AGBL1: variants seen among roughly 807,000 people sequenced by gnomAD.
AGBL1 encodes AGBL carboxypeptidase 1.
Under a neutral mutation model 118.9 loss-of-function variants are expected in AGBL1, and 130 were observed. The observed-to-expected ratio is 1.09, with a 90% CI of 0.95 to 1.26. The LOEUF (loss-of-function observed/expected upper bound fraction) is 1.26, where lower values mean the gene tolerates loss of function less well. AGBL1 is among the 50% of genes most tolerant of loss of function. The pLI, the probability that AGBL1 is intolerant of heterozygous loss-of-function variation, is 0.00. For synonymous variants in AGBL1, 555 were observed against 478.9 expected, an observed-to-expected ratio of 1.16 and a Z score of -2.08; for missense variants, 1,584 against 1,298.1, an observed-to-expected ratio of 1.22 and a Z score of -3.38.
At chr15:86,852,225 A>C (rs953822554) in intron 22 of AGBL1, among the ~76,000 whole-genome samples, 2 of 152,170 alleles carry the variant, frequency 1.3e-5, no homozygotes, top group Non-Finnish European at 2.9e-5. Context: ...CAGGAGAGAA[A>C]GAAGTGCAAG....
At chr15:86,128,179 C>G (rs1216119737) in intron 1 of AGBL1, among the ~76,000 whole-genome samples, 1 of 152,140 alleles carries the variant, frequency 6.6e-6, no homozygotes, top group Non-Finnish European at 1.5e-5. Context: ...GATTAATGGA[C>G]TCACAGTTCC....
chr15:86,956,379 T>C (rs1596673239), intron 23 of AGBL1, among the ~76,000 whole-genome samples: 1 of 151,958 alleles, frequency 6.6e-6, no homozygotes, highest in Non-Finnish European at 1.5e-5. Flanking sequence ...GCAGATAAAA[T>C]GAAAGAGATA....
intron 22 of AGBL1, among the ~76,000 whole-genome samples, chr15:86,695,389 T>G (rs2086239153): frequency 6.6e-6 from 1 of 152,082 alleles, no homozygotes; most frequent in Non-Finnish European, 1.5e-5. Flanking sequence ...ACAAAGGTGT[T>G]CGTAGTAGCC....
chr15:86,943,742 G>T lies in AGBL1; in HGVS notation c.3222-44245G>T, dbSNP rs115098977. Reference sequence around the variant, plus strand: ...CCCTTTTCTATTGGCACAGCTGCTGGCATTTCCCTATGCAAGTTTTAGCTT... The same window carrying T: ...CCCTTTTCTATTGGCACAGCTGCTGTCATTTCCCTATGCAAGTTTTAGCTT... On this transcript the variant is annotated intron_variant, in intron 23 of 24. Coordinates refer to the AGBL1 transcript ENST00000441037. Among the ~76,000 whole-genome samples, 568 of 152,246 alleles carry T rather than the reference G, an allele frequency of 3.7e-3. 4 individuals are homozygous for T. Among genetic ancestry groups the T allele is most frequent in the African/African-American group, 0.013 (536 of 41,542 alleles).
chr15:86,184,439 T>G (rs2077599030), intron 5 of AGBL1, among the ~76,000 whole-genome samples: 1 of 151,558 alleles, frequency 6.6e-6, no homozygotes, highest in African/African-American at 2.4e-5. Flanking sequence ...CTTTCTTTTT[T>G]TTTTTTTTTG....
intron 22 of AGBL1, among the ~76,000 whole-genome samples, chr15:86,872,242 AT>A (rs1596574930): frequency 6.6e-6 from 1 of 152,136 alleles, no homozygotes; most frequent in East Asian, 1.9e-4. Flanking sequence ...GTCCCCTTGC[AT>A]TTTCCTCCTT....
chr15:86,220,655 G>C (rs2078266284), intron 5 of AGBL1, among the ~76,000 whole-genome samples: 2 of 152,194 alleles, frequency 1.3e-5, no homozygotes, highest in Admixed American at 1.3e-4. Context: ...TTATCCTACA[G>C]TATGAAAATA....
chr15:86,175,627 G>C (rs2077472578), intron 5 of AGBL1, among the ~76,000 whole-genome samples: 1 of 151,926 alleles, frequency 6.6e-6, no homozygotes, highest in Non-Finnish European at 1.5e-5. Flanking sequence ...TTTTGACATA[G>C]TCACTTTTTT....
chr15:86,396,841 T>TGA (rs1005216486), intron 17 of AGBL1, among the ~76,000 whole-genome samples: 1 of 152,150 alleles, frequency 6.6e-6, no homozygotes, highest in African/African-American at 2.4e-5. Flanking sequence ...CCAGAGGTAG[T>TGA]GAGAGATGAA....
chr15:86,613,614 C>T lies in AGBL1; in HGVS notation c.2994+59077C>T, dbSNP rs983384365. On this transcript the variant is annotated intron_variant, in intron 21 of 22. Transcript: ENST00000614907. The surrounding 1 kb of genome is among the most constrained non-coding windows in gnomAD (Gnocchi z 4.2). The stretch of plus-strand genomic sequence containing the variant: ...ATTTCAGATCACAGAAAGTAAGTCA[C>T]GAGTACTTACCAGCTACCTAAAGAA... Among the ~76,000 whole-genome samples the T allele has an allele frequency of 1.3e-5, 2 of 152,180 alleles. No homozygotes were observed. Among genetic ancestry groups the T allele is most frequent in the African/African-American group, 2.4e-5 (1 of 41,446 alleles).
At chr15:87,020,208 A>T (rs1475243092) in intron 24 of AGBL1, among the ~76,000 whole-genome samples, 1 of 151,854 alleles carries the variant, frequency 6.6e-6, no homozygotes, top group Non-Finnish European at 1.5e-5. Context: ...TACAATTTAC[A>T]CTGAATGTCA....
chr15:86,836,465 G>T (rs1011972037), intron 22 of AGBL1, among the ~76,000 whole-genome samples: 1 of 152,078 alleles, frequency 6.6e-6, no homozygotes, highest in Non-Finnish European at 1.5e-5. Flanking sequence ...CAGACACACC[G>T]ACATCAGGCA....
chr15:86,197,406 G>A (rs578259808), intron 5 of AGBL1, among the ~76,000 whole-genome samples: 5 of 152,226 alleles, frequency 3.3e-5, no homozygotes, highest in Admixed American at 3.3e-4. Flanking sequence ...GAATTAGATG[G>A]AAATGAGAAA....
At chr15:86,421,374 G>T (rs965282382) in intron 18 of AGBL1, among the ~76,000 whole-genome samples, 3 of 152,032 alleles carry the variant, frequency 2.0e-5, no homozygotes, top group Non-Finnish European at 2.9e-5. Context: ...AAGTGAAGGA[G>T]AATAAAATCC....
rs901715113 is a variant in AGBL1, at chr15:86,131,887, A to C, written c.52-10117A>C. ...ATCCTGGGAAGGTGGGCTGCAGTCC[A>C]GTTGAGGCTTCGGTGAGTTGTGATC... On this transcript the variant is annotated intron_variant, in intron 1 of 22. Coordinates refer to ENST00000614907, the MANE Select transcript of AGBL1 (RefSeq NM_001386094.1). Among the ~76,000 whole-genome samples the C allele has an allele frequency of 4.6e-5, 7 of 151,162 alleles. No individual in the cohort carries two copies. The South Asian group carries it at 1.5e-3, about 32-fold the overall frequency.
chr15:86,238,929 C>T (rs1204841048), intron 6 of AGBL1, among the ~76,000 whole-genome samples: 1 of 152,190 alleles, frequency 6.6e-6, no homozygotes, highest in Non-Finnish European at 1.5e-5. Flanking sequence ...GCTGGAATTA[C>T]AGGCATGCCC....
chr15:86,295,883 A>C (rs1161085127), intron 17 of AGBL1: 1 of 155,094 alleles, frequency 6.4e-6, no homozygotes, highest in Non-Finnish European at 1.4e-5. Flanking sequence ...GCTCTAGCTA[A>C]GAACTTTGAA....
chr15:86,148,792 C>A (rs1004946393), intron 3 of AGBL1, among the ~76,000 whole-genome samples: 4 of 152,110 alleles, frequency 2.6e-5, no homozygotes, highest in Admixed American at 2.6e-4. Context: ...CAAAGATACT[C>A]CTCGAGAAGA....
At chr15:86,238,540 A>C (rs1036616324) in intron 6 of AGBL1, among the ~76,000 whole-genome samples, 3 of 152,236 alleles carry the variant, frequency 2.0e-5, no homozygotes, top group Admixed American at 2.0e-4. Context: ...GCAATATTGA[A>C]AAATCAACCA....
Sources: allele counts gnomAD v4.1 joint callset (sites outside exome capture counted in the v4.1 genomes callset), GRCh38; gene constraint gnomAD v4.1.1; non-coding constraint Gnocchi (gnomAD v3.1); transcripts MANE v1.5; gene names NCBI Gene and HGNC (gene_info 2026-07-23, HGNC 2026-07-21).